Variants in UGT8 observed in about 807,000 individuals in gnomAD.
UGT8 encodes 2-hydroxyacylsphingosine 1-beta-galactosyltransferase.
A neutral mutation model predicts 40.5 loss-of-function variants in UGT8; 12 were observed. The observed-to-expected ratio is 0.30, with a 90% CI of 0.19 to 0.48. The LOEUF is 0.48. UGT8 is among the 20% of genes least tolerant of loss of function. The pLI is 0.99. For synonymous variants in UGT8, 224 were observed against 240.4 expected (o/e 0.93, Z 0.63); for missense variants, 513 against 648.7 (o/e 0.79, Z 2.27).
intron 2 of UGT8, among the ~76,000 whole-genome samples, chr4:114,637,904 A>G (rs766322069): frequency 2.6e-5 from 4 of 152,216 alleles, no homozygotes; most frequent in African/African-American, 4.8e-5. Flanking sequence ...CACTTTATTC[A>G]TTTGCAAAAT....
chr4:114,655,473 C>T (rs961308075), intron 2 of UGT8, among the ~76,000 whole-genome samples: 18 of 152,042 alleles, frequency 1.2e-4, no homozygotes, highest in African/African-American at 4.3e-4. Context: ...GATAGTAAAC[C>T]ATGTTTCTCA....
intron 1 of UGT8, among the ~76,000 whole-genome samples, chr4:114,600,609 A>G (rs1191900771): frequency 6.6e-6 from 1 of 152,134 alleles, no homozygotes; most frequent in Non-Finnish European, 1.5e-5. Context: ...TTATTTCATC[A>G]CTCAGTTATT....
chr4:114,614,667 G>A (rs1055340312), intron 1 of UGT8, among the ~76,000 whole-genome samples: 1 of 31,728 alleles, frequency 3.2e-5, no homozygotes, highest in African/African-American at 4.0e-5. Flanking sequence ...CAGTTAAGCC[G>A]TGGGCTTCTA....
At chr4:114,671,388 A>G (rs1257316067) in intron 5 of UGT8, among the ~76,000 whole-genome samples, 1 of 152,216 alleles carries the variant, frequency 6.6e-6, no homozygotes, top group African/African-American at 2.4e-5. Flanking sequence ...AAACAAAAAA[A>G]CAAAGCTGGA....
intron 5 of UGT8, among the ~76,000 whole-genome samples, chr4:114,674,116 A>G (rs1735470571): frequency 6.6e-6 from 1 of 152,236 alleles, no homozygotes; most frequent in Non-Finnish European, 1.5e-5. Flanking sequence ...CATAAAAAAT[A>G]AAGGCTCATC....
At chr4:114,674,579 A>G (rs779379093) in intron 5 of UGT8, among the ~76,000 whole-genome samples, 2 of 152,234 alleles carry the variant, frequency 1.3e-5, no homozygotes, top group African/African-American at 2.4e-5. Flanking sequence ...AGAAGCTATT[A>G]TATCTTGTCA....
intron 1 of UGT8, among the ~76,000 whole-genome samples, chr4:114,616,174 TG>T (rs1236638914): frequency 6.6e-6 from 1 of 152,216 alleles, no homozygotes; most frequent in Non-Finnish European, 1.5e-5. Context: ...CTGCCTTTTT[TG>T]GGGCTATGCC....
chr4:114,676,188 GA>G lies in UGT8; in HGVS notation c.1529del (p.Asn510IlefsTer31). 1.2e-6 allele frequency: 2 copies of G among 1,614,054 alleles called. No homozygotes were observed. The highest frequency in any genetic ancestry group is 1.7e-6 in the Non-Finnish European group (2 of 1,180,012). On this transcript the variant is annotated frameshift_variant, in exon 6 of 6. Coordinates refer to ENST00000310836, the MANE Select transcript of UGT8 (RefSeq NM_001128174.3). LOFTEE classifies it high-confidence loss of function. ...IYRKIKSLWSRNKHSTVNGHY... is the reference protein window; with the variant it reads ...IYRKIKSLWSXNKHSTVNGHY... ...AGAAAAATCAAAAGTCTGTGGTCTA[GA>G]AATAAGCATAGCACAGTTAATGGAC...
intron 5 of UGT8, among the ~76,000 whole-genome samples, chr4:114,671,505 C>T (rs1735276046): frequency 6.6e-6 from 1 of 152,076 alleles, no homozygotes; most frequent in Non-Finnish European, 1.5e-5. Context: ...AGAACAGAGA[C>T]CTCAGAAATT....
intron 2 of UGT8, among the ~76,000 whole-genome samples, chr4:114,660,231 A>G (rs1161770483): frequency 6.6e-6 from 1 of 152,156 alleles, no homozygotes; most frequent in Non-Finnish European, 1.5e-5. Flanking sequence ...TTATAAGAAA[A>G]TTACAAAAAA....
intron 5 of UGT8, among the ~76,000 whole-genome samples, chr4:114,672,720 C>G (rs1242427290): frequency 3.3e-5 from 5 of 152,102 alleles, no homozygotes; most frequent in Non-Finnish European, 7.4e-5. Context: ...GTACAGCAAA[C>G]CACCATGGCA....
At chr4:114,614,589 A>G (rs912217431) in intron 1 of UGT8, among the ~76,000 whole-genome samples, 2 of 152,210 alleles carry the variant, frequency 1.3e-5, no homozygotes, top group African/African-American at 4.8e-5. Flanking sequence ...AATTTATTTC[A>G]TTAAGTTTGT....
chr4:114,655,278 C>A (rs781662427), intron 2 of UGT8, among the ~76,000 whole-genome samples: 36 of 152,044 alleles, frequency 2.4e-4, no homozygotes, highest in Non-Finnish European at 3.7e-4. Flanking sequence ...TTGGGAATAG[C>A]AAGGGTCTGC....
intron 2 of UGT8, among the ~76,000 whole-genome samples, chr4:114,632,632 A>C (rs1732644308): frequency 6.6e-6 from 1 of 152,210 alleles, no homozygotes; most frequent in Non-Finnish European, 1.5e-5. Context: ...ATAGCATTTA[A>C]AAAGATTTGA....
At position 114,649,360 on chromosome 4, in the gene UGT8, G is replaced by A. The variant is rs183268760; in HGVS notation, c.823-14635G>A. On this transcript the variant is annotated intron_variant, in intron 2 of 5. Coordinates refer to ENST00000310836, the MANE Select transcript of UGT8 (RefSeq NM_001128174.3). Reference sequence around the variant, plus strand: ...TGATTTATTTGAAGTCTCCTGTTTTGTATTCTTCTTTGTGGTTGCGTCAAT... The same window carrying A: ...TGATTTATTTGAAGTCTCCTGTTTTATATTCTTCTTTGTGGTTGCGTCAAT... 2.2e-4 allele frequency among the ~76,000 whole-genome samples: 33 copies of A among 152,204 alleles called. No homozygotes were observed. The East Asian group carries it at 6.4e-3, about 29-fold the overall frequency.
At chr4:114,665,060 GC>G (rs1456316553) in intron 3 of UGT8, among the ~76,000 whole-genome samples, 1 of 152,148 alleles carries the variant, frequency 6.6e-6, no homozygotes, top group Non-Finnish European at 1.5e-5. Flanking sequence ...TACCTCTTCT[GC>G]TTCATTTAGG....
chr4:114,651,099 A>G (rs1033268208), intron 2 of UGT8, among the ~76,000 whole-genome samples: 2 of 152,008 alleles, frequency 1.3e-5, no homozygotes, highest in Non-Finnish European at 2.9e-5. Context: ...CTAATCTTAG[A>G]CTCAGGTTTT....
chr4:114,642,926 T>C (rs1334121473), intron 2 of UGT8, among the ~76,000 whole-genome samples: 1 of 152,184 alleles, frequency 6.6e-6, no homozygotes, highest in Non-Finnish European at 1.5e-5. Flanking sequence ...ATTAGTATCA[T>C]ACCTCAATCA....
intron 1 of UGT8, among the ~76,000 whole-genome samples, chr4:114,606,878 T>A (rs901960041): frequency 6.6e-6 from 1 of 152,148 alleles, no homozygotes; most frequent in Non-Finnish European, 1.5e-5. Context: ...GATCTGAGAA[T>A]GAATTTAATT....
Sources: allele counts gnomAD v4.1 joint callset (sites outside exome capture counted in the v4.1 genomes callset), GRCh38; gene constraint gnomAD v4.1.1; transcripts MANE v1.5; gene names NCBI Gene and HGNC (gene_info 2026-07-23, HGNC 2026-07-21).